The following ZDHHC7 variants were observed in gnomAD, a reference collection of about 807,000 sequenced individuals.
ZDHHC7 encodes palmitoyltransferase ZDHHC7.
ZDHHC7 carries 12 observed loss-of-function variants against 34.1 expected under a neutral mutation model. That is an observed-to-expected ratio of 0.35 (90% CI 0.23 to 0.57). The LOEUF is 0.57. Among genes scored for constraint, ZDHHC7 ranks in the 20% least tolerant of loss-of-function variants. ZDHHC7 has a pLI of 0.84. For synonymous variants in ZDHHC7, 185 were observed against 155.4 expected, an observed-to-expected ratio of 1.19 and a Z score of -1.42; for missense variants, 388 against 402.7, an observed-to-expected ratio of 0.96 and a Z score of 0.31.
chr16:85,010,181 G>A (rs2072772316), intron 1 of ZDHHC7, among the ~76,000 whole-genome samples: 1 of 150,884 alleles, frequency 6.6e-6, no homozygotes, highest in South Asian at 2.1e-4. Flanking sequence ...CACCATATCC[G>A]GCTAATTTTT....
rs771564667 is a variant in ZDHHC7, at chr16:84,998,212, C to T, written c.-103-2205G>A. 1.0e-3 allele frequency among the ~76,000 whole-genome samples: 156 copies of T among 148,670 alleles called. 1 individual carries two copies. The highest frequency in any genetic ancestry group is 3.4e-3 in the Middle Eastern group (1 of 294). ...CCGGGAGGCGGAGTTTGCAGTGAGCCGAGATCGCACCACTGCACTCCAGCC... is the reference window on the plus strand; with the variant it reads ...CCGGGAGGCGGAGTTTGCAGTGAGCTGAGATCGCACCACTGCACTCCAGCC... On this transcript the variant is annotated intron_variant, in intron 1 of 7. Transcript: ENST00000313732.
At chr16:85,027,610 G>A in the ZDHHC7 span, 1 of 152,242 alleles carries the variant, frequency 6.6e-6, no homozygotes, top group African/African-American at 2.4e-5. Context: ...CCCACCGAGC[G>A]TGGGCAGGCC....
At chr16:84,998,074 T>C (rs1045655068) in intron 1 of ZDHHC7, among the ~76,000 whole-genome samples, 7 of 148,372 alleles carry the variant, frequency 4.7e-5, no homozygotes, top group African/African-American at 1.7e-4. Context: ...ACCTAGCTAC[T>C]AACACGGTGA....
At chr16:85,013,722 A>T (rs12102578), upstream of ZDHHC7, among the ~76,000 whole-genome samples, 61,665 of 150,332 alleles carry the variant, frequency 0.41, 13,722 homozygotes, top group African/African-American at 0.6. Flanking sequence ...AGACTCTCGC[A>T]CTGTTTCCCA....
the ZDHHC7 span, among the ~76,000 whole-genome samples, chr16:85,025,001 G>C: frequency 6.6e-6 from 1 of 152,190 alleles, no homozygotes; most frequent in Admixed American, 6.5e-5. Context: ...CTGAGGCCAG[G>C]CGTGGTGGCT....
chr16:85,001,918 CA>C (rs35894736), intron 1 of ZDHHC7, among the ~76,000 whole-genome samples: 42,129 of 148,400 alleles, frequency 0.28, 5,981 homozygotes, highest in Admixed American at 0.35. Context: ...AGGACTGAGG[CA>C]AAAAAAATAA....
the ZDHHC7 span, among the ~76,000 whole-genome samples, chr16:85,027,278 T>A: frequency 7.6e-4 from 116 of 152,336 alleles, no homozygotes; most frequent in East Asian, 9.4e-3. Flanking sequence ...TATTATTATT[T>A]TTTTTAGCTC....
Position 84,990,466 on chromosome 16 carries a change from A to G in ZDHHC7, c.153T>C (p.Ala51=). The change falls in exon 3 of 8, where the codon GCT becomes GCC. Residue 51 remains alanine, a synonymous_variant. Transcript: ENST00000313732. The stretch of plus-strand genomic sequence containing the variant: ...AGGCGACCAGAAGCCACGTCATGAC[A>G]GCACAGATCATGCCGCAGCCGTCAC... ...FIRDGCGMIC[A]VMTWLLVAYA... 1 of 1,614,196 alleles carries G rather than the reference A, an allele frequency of 6.2e-7. No homozygotes were observed. Among genetic ancestry groups the G allele is most frequent in the Admixed American group, 1.7e-5 (1 of 60,024 alleles).
chr16:84,980,358 G>A (rs568559577), intron 4 of ZDHHC7, among the ~76,000 whole-genome samples: 30 of 151,248 alleles, frequency 2.0e-4, no homozygotes, highest in African/African-American at 6.5e-4. Flanking sequence ...ATCTTCAACA[G>A]ATTTATTGAA....
At chr16:84,996,747 G>C (rs1337766251) in intron 1 of ZDHHC7, among the ~76,000 whole-genome samples, 3 of 152,174 alleles carry the variant, frequency 2.0e-5, no homozygotes, top group African/African-American at 7.2e-5. Context: ...AGAAAGTCCA[G>C]GCCAGGCGCG....
At chr16:85,021,079 T>G in the ZDHHC7 span, among the ~76,000 whole-genome samples, 9 of 150,522 alleles carry the variant, frequency 6.0e-5, no homozygotes, top group East Asian at 1.4e-3. Flanking sequence ...CACTCCAGCC[T>G]AAGTGACAGA....
rs763278482 is a variant in ZDHHC7, at chr16:85,011,533, A to T, written c.-351T>A. ...AGAGCGGGGCGGTGCGAGCGCCGGA[A>T]GTGAACCCGACGAGGTCAGTGACGT... On this transcript the variant is annotated 5_prime_UTR_variant, in exon 1 of 8. Transcript: ENST00000313732. The T allele has an allele frequency of 6.6e-6, 1 of 152,212 alleles. No individual in the cohort carries two copies. 9.4% of individuals were successfully genotyped at this position (152,212 alleles called of 1,614,324 possible).
rs2072792427 is a variant in ZDHHC7, at chr16:85,011,504, C to G, written c.-322G>C. On this transcript the variant is annotated 5_prime_UTR_variant, in exon 1 of 8. Coordinates refer to ENST00000313732, the MANE Select transcript of ZDHHC7 (RefSeq NM_017740.3). ...CAAATGCCTCAGCCCGGAGCCTTGG[C>G]TGGAGAGCGGGGCGGTGCGAGCGCC... The G allele has an allele frequency of 6.6e-6, 1 of 152,198 alleles. No individual in the cohort carries two copies. The highest frequency in any genetic ancestry group is 2.4e-5 in the African/African-American group (1 of 41,450). The allele number at this position is 152,198 out of a possible 1,614,324, so 9.4% of individuals were successfully genotyped here. A position where few individuals can be genotyped will look rare whatever the true frequency, so the allele number is the denominator to read the frequency against.
chr16:85,009,959 C>A (rs8055837), intron 1 of ZDHHC7, among the ~76,000 whole-genome samples: 20,895 of 151,806 alleles, frequency 0.14, 1,765 homozygotes, highest in East Asian at 0.32. Context: ...CCGCCCGCCT[C>A]GGCCTCCCAA....
Position 84,976,285 on chromosome 16 carries a change from A to T in ZDHHC7, c.*58T>A. 1.9e-6 allele frequency: 3 copies of T among 1,602,702 alleles called. No homozygotes were observed. The highest frequency in any genetic ancestry group is 2.6e-6 in the Non-Finnish European group (3 of 1,175,472). On this transcript the variant is annotated 3_prime_UTR_variant, in exon 8 of 8. Transcript: ENST00000313732. ...CACAGATGAGCTGTTGATATCCTTC[A>T]GACCCCAAATAAATAACTGGAAGTC...
upstream of ZDHHC7, among the ~76,000 whole-genome samples, chr16:85,016,072 A>G (rs1221479527): frequency 6.6e-6 from 1 of 152,194 alleles, no homozygotes; most frequent in Admixed American, 6.5e-5. Context: ...CAACCACGTC[A>G]TGGCCTAAAC....
chr16:85,019,611 G>A, the ZDHHC7 span, among the ~76,000 whole-genome samples: 1 of 152,168 alleles, frequency 6.6e-6, no homozygotes, highest in Non-Finnish European at 1.5e-5. Context: ...CAGCTACCCA[G>A]GAGGCTGAGG....
chr16:84,986,113 C>T (rs1259348766), intron 3 of ZDHHC7, among the ~76,000 whole-genome samples: 1 of 152,080 alleles, frequency 6.6e-6, no homozygotes, highest in Non-Finnish European at 1.5e-5. Flanking sequence ...ACAAATGAAA[C>T]AAAAGAATGA....
the ZDHHC7 span, among the ~76,000 whole-genome samples, chr16:85,026,688 C>A: frequency 6.6e-6 from 1 of 151,540 alleles, no homozygotes; most frequent in East Asian, 1.9e-4. Flanking sequence ...ACTTGTTTCT[C>A]CTGCATAACT....
Sources: gnomAD v4.1 joint callset for allele counts (sites outside exome capture counted in the v4.1 genomes callset) on GRCh38, gnomAD v4.1.1 for gene constraint, MANE v1.5 for transcripts, NCBI Gene and HGNC (gene_info 2026-07-23, HGNC 2026-07-21) for gene names.